MRPL13: variants seen among roughly 807,000 people sequenced by gnomAD.
MRPL13 encodes mitochondrial ribosomal protein L13, also known as large ribosomal subunit protein uL13m.
Under a neutral mutation model 29.0 loss-of-function variants are expected in MRPL13, and 33 were observed. The observed-to-expected ratio is 1.14, with a 90% CI of 0.86 to 1.52. The LOEUF (loss-of-function observed/expected upper bound fraction) is 1.52, where lower values mean the gene tolerates loss of function less well. Among genes scored for constraint, MRPL13 ranks in the 40% most tolerant of loss-of-function variants. The pLI, the probability that MRPL13 is intolerant of heterozygous loss-of-function variation, is 0.00. For synonymous variants in MRPL13, 77 were observed against 68.4 expected, an observed-to-expected ratio of 1.13 and a Z score of -0.62; for missense variants, 227 against 216.7, an observed-to-expected ratio of 1.05 and a Z score of -0.30.
At chr8:120,435,505 C>T (rs1309886994) in intron 2 of MRPL13, among the ~76,000 whole-genome samples, 1 of 152,088 alleles carries the variant, frequency 6.6e-6, no homozygotes, top group African/African-American at 2.4e-5. Flanking sequence ...TTATGGCCTC[C>T]AGCTCCACCC....
intron 5 of MRPL13, among the ~76,000 whole-genome samples, chr8:120,416,322 G>A (rs1487225516): frequency 1.3e-5 from 2 of 152,028 alleles, no homozygotes; most frequent in East Asian, 3.9e-4. Context: ...GTGAAACCCC[G>A]TCTCTACTAA....
chr8:120,435,234 G>A (rs898318583), intron 2 of MRPL13, among the ~76,000 whole-genome samples: 18 of 152,060 alleles, frequency 1.2e-4, no homozygotes, highest in African/African-American at 4.3e-4. Flanking sequence ...TTTTATTTTA[G>A]GTTCAGGGGT....
intron 6 of MRPL13, among the ~76,000 whole-genome samples, chr8:120,399,804 C>T (rs980390037): frequency 6.6e-6 from 1 of 151,884 alleles, no homozygotes; most frequent in African/African-American, 2.4e-5. Flanking sequence ...GAAAATTTAC[C>T]AAGCAAATGG....
At chr8:120,429,508 A>C (rs1201581898) in intron 3 of MRPL13, among the ~76,000 whole-genome samples, 1 of 152,024 alleles carries the variant, frequency 6.6e-6, no homozygotes, top group Non-Finnish European at 1.5e-5. Flanking sequence ...AAAAAAAACA[A>C]AAAACAAGAA....
At chr8:120,442,486 CAT>C (rs1813135440) in intron 2 of MRPL13, among the ~76,000 whole-genome samples, 1 of 152,106 alleles carries the variant, frequency 6.6e-6, no homozygotes, top group South Asian at 2.1e-4. Flanking sequence ...TAAAATATCA[CAT>C]ATTTTTATAT....
intron 3 of MRPL13, among the ~76,000 whole-genome samples, chr8:120,429,577 C>A (rs1009423944): frequency 6.6e-6 from 1 of 150,876 alleles, no homozygotes; most frequent in Non-Finnish European, 1.5e-5. Context: ...TTTCAAAAAA[C>A]AGAACAATGA....
In MRPL13 at chr8:120,413,989, A is replaced by T; in HGVS notation, c.515+2T>A. ...AAAAACAAGAAGAAGGGAAACACTT[A>T]CGGAGTCCACAATCTTGGGAAGGCG... is the stretch of plus-strand genomic sequence containing the variant. On this transcript the variant is annotated splice_donor_variant, in intron 6 of 6. Transcript: ENST00000306185. LOFTEE classifies it high-confidence loss of function. The T allele has an allele frequency of 6.5e-7, 1 of 1,547,632 alleles. No homozygotes were observed. The highest frequency in any genetic ancestry group is 8.7e-7 in the Non-Finnish European group (1 of 1,155,368).
chr8:120,395,881 T>C lies in MRPL13; in HGVS notation c.*223A>G, dbSNP rs909490644. ...TAAGTGATTTTATTATTATCAACTA[T>C]AACATTCAAATCAGATTACATAAAA... On this transcript the variant is annotated 3_prime_UTR_variant, in exon 7 of 7. Coordinates refer to ENST00000306185, the MANE Select transcript of MRPL13 (RefSeq NM_014078.6). 2.6e-5 allele frequency: 11 copies of C among 419,264 alleles called. No homozygotes were observed. Among genetic ancestry groups the C allele is most frequent in the African/African-American group, 2.3e-4 (11 of 48,076 alleles). The allele number at this position is 419,264 out of a possible 1,614,324, so 26.0% of individuals were successfully genotyped here.
Position 120,432,018 on chromosome 8 carries a change from G to T in MRPL13, c.245+12C>A, listed in dbSNP as rs372655445. The T allele has an allele frequency of 1.9e-4, 294 of 1,550,872 alleles. No individual in the cohort carries two copies. The highest frequency in any genetic ancestry group is 2.3e-4 in the Non-Finnish European group (264 of 1,141,588). ...TAACTACCTAATTTCCCTGACAACA[G>T]CATTATCTTACCCAGTATGCGAAGA... On this transcript the variant is annotated intron_variant, in intron 3 of 6. Transcript: ENST00000306185.
intron 5 of MRPL13, among the ~76,000 whole-genome samples, chr8:120,419,210 A>G (rs561700385): frequency 6.6e-6 from 1 of 152,136 alleles, no homozygotes; most frequent in African/African-American, 2.4e-5. Context: ...GCCCAAGTCC[A>G]TGCAGTCAGT....
intron 4 of MRPL13, among the ~76,000 whole-genome samples, chr8:120,422,569 T>C (rs1812885224): frequency 6.7e-6 from 1 of 148,286 alleles, no homozygotes; most frequent in Non-Finnish European, 1.5e-5. Context: ...TGGAAATATA[T>C]ATATAAACAT....
At chr8:120,444,967 G>A in intron 1 of MRPL13, 101 bp downstream of exon 1, 1 of 1,536,764 alleles carries the variant, frequency 6.5e-7, no homozygotes. Context: ...GAGGGTCTCG[G>A]CTTCCCTGCC....
At chr8:120,420,847 T>A (rs895945321) in intron 4 of MRPL13, among the ~76,000 whole-genome samples, 3 of 152,000 alleles carry the variant, frequency 2.0e-5, no homozygotes, top group African/African-American at 7.2e-5. Context: ...CTAAAAAATT[T>A]AGTTGTATTT....
chr8:120,412,293 TTCAAAC>T (rs986952741), intron 6 of MRPL13, among the ~76,000 whole-genome samples: 21 of 152,296 alleles, frequency 1.4e-4, no homozygotes, highest in African/African-American at 4.8e-4. Context: ...GCTGAATATT[TTCAAAC>T]TACATCAACT....
chr8:120,426,432 T>C (rs918247465), intron 3 of MRPL13, among the ~76,000 whole-genome samples: 1 of 152,150 alleles, frequency 6.6e-6, no homozygotes, highest in Non-Finnish European at 1.5e-5. Flanking sequence ...TCTTTTTTCA[T>C]GGAATTTCAG....
intron 3 of MRPL13, among the ~76,000 whole-genome samples, chr8:120,431,229 A>C (rs1812992240): frequency 1.3e-5 from 2 of 152,202 alleles, no homozygotes; most frequent in African/African-American, 4.8e-5. Flanking sequence ...GATTTTGATC[A>C]AGAATAAAAG....
rs182215250 is a variant in MRPL13 at position 120,430,629 on chromosome 8, G to A, written c.245+1401C>T. The stretch of plus-strand genomic sequence containing the variant: ...TGGATAAATAGGAGAATTCCTCACT[G>A]TCAGGGGAACAACACATGCAAAGGC... On this transcript the variant is annotated intron_variant, in intron 3 of 6. Coordinates refer to ENST00000306185, the MANE Select transcript of MRPL13 (RefSeq NM_014078.6). Among the ~76,000 whole-genome samples, 8 of 152,294 alleles carry A rather than the reference G, an allele frequency of 5.3e-5. No individual in the cohort carries two copies. The East Asian group carries it at 1.5e-3, about 29-fold the overall frequency.
chr8:120,428,330 T>TA (rs1214827547), intron 3 of MRPL13, among the ~76,000 whole-genome samples: 5 of 152,044 alleles, frequency 3.3e-5, no homozygotes, highest in Non-Finnish European at 7.4e-5. Flanking sequence ...TTATACCACA[T>TA]ACAAAAATTA....
chr8:120,398,475 A>T (rs1375851957), intron 6 of MRPL13, among the ~76,000 whole-genome samples: 1 of 152,118 alleles, frequency 6.6e-6, no homozygotes, highest in East Asian at 1.9e-4. Context: ...AACAAAAAAG[A>T]CCCCACAAAA....
Sources: gnomAD v4.1 joint callset for allele counts (sites outside exome capture counted in the v4.1 genomes callset) on GRCh38, gnomAD v4.1.1 for gene constraint, MANE v1.5 for transcripts, NCBI Gene and HGNC (gene_info 2026-07-23, HGNC 2026-07-21) for gene names.